The following RARB variants were observed in gnomAD, a reference collection of about 807,000 sequenced individuals.
RARB encodes retinoic acid receptor beta, also known as HBV-activated protein.
RARB carries 17 observed loss-of-function variants against 51.9 expected under a neutral mutation model. That is an observed-to-expected ratio of 0.33 (90% CI 0.22 to 0.49). RARB has a LOEUF of 0.49. Ranked by LOEUF, RARB falls within the 20% of genes least tolerant of loss-of-function variation. The probability of loss-of-function intolerance (pLI) is 0.99; values close to 1 mark genes in which losing one functional copy is unlikely to be tolerated. For synonymous variants in RARB, 215 were observed against 195.4 expected (o/e 1.10, Z -0.84); for missense variants, 369 against 550.8 (o/e 0.67, Z 3.30).
chr3:24,976,512 G>A (rs1696515167), intron 2 of RARB, among the ~76,000 whole-genome samples: 1 of 152,160 alleles, frequency 6.6e-6, no homozygotes, highest in Admixed American at 6.5e-5. Context: ...GCATTTCTCT[G>A]ATGACCAGCG....
intron 5 of RARB, among the ~76,000 whole-genome samples, chr3:25,275,448 A>G (rs936672924): frequency 5.3e-5 from 8 of 152,180 alleles, no homozygotes; most frequent in Non-Finnish European, 8.8e-5. Flanking sequence ...GTGACAGAGC[A>G]AGACCTGGTC....
At chr3:25,270,187 A>T (rs940320204) in intron 5 of RARB, among the ~76,000 whole-genome samples, 1 of 152,228 alleles carries the variant, frequency 6.6e-6, no homozygotes, top group African/African-American at 2.4e-5. Flanking sequence ...ATATTTTTAC[A>T]CCAATGTTCA....
At chr3:25,157,391 GT>G (rs531016949) in intron 4 of RARB, among the ~76,000 whole-genome samples, 4 of 103,004 alleles carry the variant, frequency 3.9e-5, no homozygotes, top group South Asian at 8.1e-4. Context: ...TATATATATG[GT>G]TTTTTTTGTT....
intron 4 of RARB, among the ~76,000 whole-genome samples, chr3:25,156,678 A>G (rs1700380668): frequency 6.6e-6 from 1 of 152,128 alleles, no homozygotes; most frequent in African/African-American, 2.4e-5. Flanking sequence ...ACACATTAAA[A>G]AAATGCTTCA....
rs181737156 is a variant in RARB, at chr3:25,464,388, T to C, written c.306+3047T>C. 8.3e-4 allele frequency among the ~76,000 whole-genome samples: 126 copies of C among 152,310 alleles called. 1 individual carries two copies. Among genetic ancestry groups the C allele is most frequent in the African/African-American group, 2.9e-3 (120 of 41,560 alleles). On this transcript the variant is annotated intron_variant, in intron 2 of 7. Coordinates refer to ENST00000330688, the MANE Select transcript of RARB (RefSeq NM_000965.5). ...AAAACCCATACCGGCACAAACAACT[T>C]TGATAAGCTCAGTTAAGTGATACAG... is the stretch of plus-strand genomic sequence containing the variant.
chr3:25,174,982 A>G (rs1192842557), intron 5 of RARB, among the ~76,000 whole-genome samples: 1 of 152,290 alleles, frequency 6.6e-6, no homozygotes, highest in East Asian at 1.9e-4. Flanking sequence ...TCTTCTCTGA[A>G]TCTTTTACTT....
At chr3:25,131,630 T>C (rs561625332) in intron 3 of RARB, among the ~76,000 whole-genome samples, 1 of 152,076 alleles carries the variant, frequency 6.6e-6, no homozygotes, top group Non-Finnish European at 1.5e-5. Context: ...GGTTTAGATT[T>C]CAGGAATCAA....
At chr3:25,201,791 G>T (rs575101025) in intron 5 of RARB, among the ~76,000 whole-genome samples, 1 of 152,076 alleles carries the variant, frequency 6.6e-6, no homozygotes, top group Non-Finnish European at 1.5e-5. Flanking sequence ...CCACTTGATC[G>T]TGGTGGATAA....
intron 3 of RARB, among the ~76,000 whole-genome samples, chr3:25,533,289 T>C (rs555612029): frequency 2.0e-5 from 3 of 152,218 alleles, no homozygotes; most frequent in African/African-American, 7.2e-5. Flanking sequence ...TATGTTTTGC[T>C]AGCCCTGAAA....
chr3:24,868,861 C>T (rs879431956), intron 2 of RARB, among the ~76,000 whole-genome samples: 2 of 152,112 alleles, frequency 1.3e-5, no homozygotes, highest in Non-Finnish European at 2.9e-5. Context: ...TTCCAGATGG[C>T]CTGCCTTTCT....
intron 5 of RARB, among the ~76,000 whole-genome samples, chr3:25,417,998 T>C (rs1707753846): frequency 6.7e-6 from 1 of 149,526 alleles, no homozygotes; most frequent in Non-Finnish European, 1.5e-5. Flanking sequence ...CTCTGGTTTA[T>C]GTAGAGTTCT....
chr3:25,173,037 C>CT (rs1328858082), intron 4 of RARB, among the ~76,000 whole-genome samples: 2 of 152,132 alleles, frequency 1.3e-5, no homozygotes, highest in Non-Finnish European at 2.9e-5. Context: ...CCACATGAAT[C>CT]TTTTTTTGTG....
chr3:25,284,522 C>T (rs1161513772), intron 5 of RARB, among the ~76,000 whole-genome samples: 1 of 152,016 alleles, frequency 6.6e-6, no homozygotes, highest in Non-Finnish European at 1.5e-5. Context: ...TTACTCAAAG[C>T]TGAGTGGCCT....
intron 1 of RARB, among the ~76,000 whole-genome samples, chr3:25,443,911 A>G (rs1708816380): frequency 6.6e-6 from 1 of 152,142 alleles, no homozygotes; most frequent in Admixed American, 6.5e-5. Context: ...AGCCTAGACA[A>G]CAGAGCTAGA....
At chr3:25,251,615 T>A (rs548802211) in intron 5 of RARB, among the ~76,000 whole-genome samples, 14 of 152,326 alleles carry the variant, frequency 9.2e-5, no homozygotes, top group African/African-American at 2.9e-4. Context: ...TGACTAATGA[T>A]GTTGGACAGG....
chr3:25,296,941 C>A (rs1000282473), intron 5 of RARB, among the ~76,000 whole-genome samples: 2 of 152,168 alleles, frequency 1.3e-5, no homozygotes. Flanking sequence ...ATGGGCAGTC[C>A]GTGAGGCTCG....
chr3:25,113,331 A>T (rs183533498), intron 3 of RARB, among the ~76,000 whole-genome samples: 1 of 152,264 alleles, frequency 6.6e-6, no homozygotes, highest in Admixed American at 6.5e-5. Context: ...ACTGGGTACA[A>T]TATGTTTTAG....
chr3:25,207,060 T>C (rs564097002), intron 5 of RARB, among the ~76,000 whole-genome samples: 34 of 152,338 alleles, frequency 2.2e-4, no homozygotes, highest in African/African-American at 7.0e-4. Flanking sequence ...CACAGAATCA[T>C]GAGGTTAAGA....
intron 5 of RARB, among the ~76,000 whole-genome samples, chr3:25,230,319 A>G (rs935501297): frequency 3.3e-5 from 5 of 152,106 alleles, no homozygotes; most frequent in African/African-American, 1.2e-4. Flanking sequence ...CTAAGAAATG[A>G]AGTGAACTTA....
Sources: allele counts gnomAD v4.1 joint callset (sites outside exome capture counted in the v4.1 genomes callset), GRCh38; gene constraint gnomAD v4.1.1; transcripts MANE v1.5; gene names NCBI Gene and HGNC (gene_info 2026-07-23, HGNC 2026-07-21).